The following NME9 variants were observed in gnomAD, a reference collection of about 807,000 sequenced individuals.
NME9 encodes thioredoxin domain-containing protein 6.
NME9 carries 48 observed loss-of-function variants against 44.4 expected under a neutral mutation model. That is an observed-to-expected ratio of 1.08 (90% CI 0.86 to 1.37). The LOEUF is 1.37. Ranked by LOEUF, NME9 falls within the 40% of genes most tolerant of loss-of-function variation. The pLI is 0.00. For missense variants in NME9, 325 were observed against 405.2 expected, an observed-to-expected ratio of 0.80 and a Z score of 1.70; for synonymous variants, 139 against 147.1, an observed-to-expected ratio of 0.94 and a Z score of 0.40.
intron 8 of NME9, chr3:138,289,230 A>G (rs537573040): frequency 9.8e-6 from 8 of 816,550 alleles, no homozygotes; most frequent in Admixed American, 4.9e-5. Flanking sequence ...TTCTTGGACC[A>G]TCTGGCCCAA....
intron 8 of NME9, among the ~76,000 whole-genome samples, chr3:138,266,064 A>G (rs997924604): frequency 6.6e-6 from 1 of 152,222 alleles, no homozygotes; most frequent in Non-Finnish European, 1.5e-5. Context: ...CTATCAGAAC[A>G]GTATGTTTCT....
chr3:138,263,684 G>A (rs185068584), intron 8 of NME9: 8 of 1,380,270 alleles, frequency 5.8e-6, no homozygotes, highest in African/African-American at 5.7e-5. Flanking sequence ...TTTACAAGCA[G>A]TGAAGTTTGT....
chr3:138,264,293 C>T (rs2048038566), intron 8 of NME9: 1 of 1,063,778 alleles, frequency 9.4e-7, no homozygotes, highest in African/African-American at 1.6e-5. Context: ...ACTCCCTGGT[C>T]TAGGAGTATG....
chr3:138,274,037 C>G (rs887002843), intron 8 of NME9, among the ~76,000 whole-genome samples: 6 of 152,042 alleles, frequency 3.9e-5, no homozygotes, highest in African/African-American at 1.4e-4. Context: ...AGGCTGGTCT[C>G]GAACTCCTGC....
intron 8 of NME9, among the ~76,000 whole-genome samples, chr3:138,288,465 C>T (rs975774197): frequency 6.6e-6 from 1 of 152,234 alleles, no homozygotes; most frequent in East Asian, 1.9e-4. Context: ...TTTGTTTGTC[C>T]AGCCAGATGG....
rs530007029 is a variant in NME9 at position 138,324,974 on chromosome 3, G to A, written c.34-44C>T. On this transcript the variant is annotated intron_variant, in intron 1 of 10. Coordinates refer to ENST00000333911, the MANE Select transcript of NME9 (RefSeq NM_001349018.2). ...AAATGCCGTATTACTGAGGGCTCAG[G>A]CAGGGAAACAATTCAATCTATTTGC... 3.4e-6 allele frequency: 5 copies of A among 1,485,826 alleles called. No individual in the cohort carries two copies. In the African/African-American group the frequency reaches 6.9e-5, roughly 21 times the overall value. 92.0% of individuals were successfully genotyped at this position (1,485,826 alleles called of 1,614,324 possible).
intron 8 of NME9, among the ~76,000 whole-genome samples, chr3:138,267,921 C>T (rs2108284487): frequency 6.6e-6 from 1 of 152,136 alleles, no homozygotes; most frequent in Middle Eastern, 3.4e-3. Context: ...TAGGCATTGA[C>T]TATAATTAAG....
chr3:138,305,983 T>G (rs1324877324), intron 8 of NME9, 21 bp downstream of exon 8: 1 of 1,487,968 alleles, frequency 6.7e-7, no homozygotes, highest in South Asian at 1.1e-5. Flanking sequence ...GTGTTGAACT[T>G]GTGGAAGTAG....
chr3:138,273,189 T>C (rs1389640273), intron 8 of NME9: 1 of 1,434,558 alleles, frequency 7.0e-7, no homozygotes, highest in African/African-American at 1.4e-5. Context: ...TCTCTCTCTG[T>C]GCTCTCATTA....
At chr3:138,325,588 A>C (rs1241068938) in intron 1 of NME9, among the ~76,000 whole-genome samples, 1 of 151,988 alleles carries the variant, frequency 6.6e-6, no homozygotes, top group East Asian at 1.9e-4. Context: ...TTGTATTTTT[A>C]GTTGAGACGG....
At chr3:138,320,561 G>A (rs372895623) in intron 2 of NME9, among the ~76,000 whole-genome samples, 2 of 152,324 alleles carry the variant, frequency 1.3e-5, no homozygotes, top group African/African-American at 4.8e-5. Context: ...CATCAAGTGA[G>A]AACTATTAAT....
chr3:138,268,669 G>C (rs184942345), intron 8 of NME9, among the ~76,000 whole-genome samples: 2 of 152,002 alleles, frequency 1.3e-5, no homozygotes, highest in East Asian at 1.9e-4. Context: ...CTAGCTACTC[G>C]AGAGGCCGAG....
intron 2 of NME9, among the ~76,000 whole-genome samples, chr3:138,320,848 G>A (rs964228333): frequency 6.6e-6 from 1 of 152,342 alleles, no homozygotes; most frequent in Non-Finnish European, 1.5e-5. Context: ...GGGATCACTG[G>A]AGGAATCTGG....
chr3:138,291,543 C>G (rs1451586595), intron 8 of NME9, among the ~76,000 whole-genome samples: 1 of 152,170 alleles, frequency 6.6e-6, no homozygotes, highest in Non-Finnish European at 1.5e-5. Context: ...CCTCGTGTAA[C>G]TTACATTCTA....
rs574609831 is a variant in NME9 at position 138,308,379 on chromosome 3, C to T, written c.461-1899G>A. On this transcript the variant is annotated intron_variant, in intron 6 of 10. Transcript: ENST00000333911. ...GTTTTCCCTCATGTCTCAGTTACCACCAAGAGACACCGTCCCAGCAACAGC... is the reference window on the plus strand; with the variant it reads ...GTTTTCCCTCATGTCTCAGTTACCATCAAGAGACACCGTCCCAGCAACAGC... Among the ~76,000 whole-genome samples the T allele has an allele frequency of 5.3e-5, 8 of 152,240 alleles. No individual in the cohort carries two copies. In the East Asian group the frequency reaches 1.2e-3, roughly 22 times the overall value.
chr3:138,305,682 G>C (rs1402449656), intron 8 of NME9, among the ~76,000 whole-genome samples: 1 of 152,170 alleles, frequency 6.6e-6, no homozygotes, highest in Non-Finnish European at 1.5e-5. Flanking sequence ...TGATATGCTC[G>C]AGGCTTTGCT....
chr3:138,270,050 A>C, intron 8 of NME9: 1 of 1,612,708 alleles, frequency 6.2e-7, no homozygotes, highest in Non-Finnish European at 8.5e-7. Flanking sequence ...CCAATTTTGG[A>C]ATCAGGAGCC....
chr3:138,328,907 A>G (rs929343124), intron 1 of NME9, among the ~76,000 whole-genome samples: 1 of 152,234 alleles, frequency 6.6e-6, no homozygotes, highest in Non-Finnish European at 1.5e-5. Context: ...GCCCAAAGTC[A>G]AAAGAACCTA....
intron 1 of NME9, among the ~76,000 whole-genome samples, chr3:138,328,312 G>A (rs1355715323): frequency 2.0e-5 from 3 of 152,048 alleles, no homozygotes; most frequent in East Asian, 3.9e-4. Flanking sequence ...CAGGTCTTCT[G>A]ACTTCCAGTC....
Sources: gnomAD v4.1 joint callset for allele counts (sites outside exome capture counted in the v4.1 genomes callset) on GRCh38, gnomAD v4.1.1 for gene constraint, MANE v1.5 for transcripts, NCBI Gene and HGNC (gene_info 2026-07-23, HGNC 2026-07-21) for gene names.